The following SHANK2 variants were observed in gnomAD, a reference collection of about 807,000 sequenced individuals.
The protein encoded by SHANK2 is SH3 and multiple ankyrin repeat domains 2.
A neutral mutation model predicts 133.7 loss-of-function variants in SHANK2; 43 were observed. That is an observed-to-expected ratio of 0.32 (90% CI 0.25 to 0.41). The LOEUF is 0.41. Among genes scored for constraint, SHANK2 ranks in the 10% least tolerant of loss-of-function variants. The pLI is 1.00. For synonymous variants in SHANK2, 1,017 were observed against 952.8 expected, an observed-to-expected ratio of 1.07 and a Z score of -1.24; for missense variants, 1,994 against 2,235.8, an observed-to-expected ratio of 0.89 and a Z score of 2.18.
intron 9 of SHANK2, among the ~76,000 whole-genome samples, chr11:71,067,628 G>A (rs1027267527): frequency 2.4e-4 from 36 of 152,112 alleles, no homozygotes; most frequent in Non-Finnish European, 4.1e-4. Flanking sequence ...CCATACACCT[G>A]GGTGCTTTTA....
chr11:70,586,140 G>T (rs1187528052), intron 17 of SHANK2, among the ~76,000 whole-genome samples: 1 of 152,130 alleles, frequency 6.6e-6, no homozygotes, highest in African/African-American at 2.4e-5. Flanking sequence ...TAACATGGTG[G>T]AGGCTATTCT....
At chr11:71,058,527 C>T (rs1489071409) in intron 9 of SHANK2, among the ~76,000 whole-genome samples, 1 of 152,194 alleles carries the variant, frequency 6.6e-6, no homozygotes, top group Non-Finnish European at 1.5e-5. Flanking sequence ...TAAGCAAACT[C>T]TGTTTTTGGA....
intron 13 of SHANK2, 41 bp from the exon 14 acceptor site, chr11:70,798,597 G>T (rs782114679): frequency 7.0e-6 from 5 of 717,076 alleles, no homozygotes; most frequent in Non-Finnish European, 1.3e-5. Context: ...CAGGGGGGAC[G>T]TGGAGGGCCT....
At chr11:70,742,738 C>T (rs1591805062) in intron 14 of SHANK2, among the ~76,000 whole-genome samples, 2 of 152,196 alleles carry the variant, frequency 1.3e-5, no homozygotes, top group South Asian at 2.1e-4. Context: ...CACTGGGCAG[C>T]GTGGCTGACT....
intron 17 of SHANK2, among the ~76,000 whole-genome samples, chr11:70,652,460 C>G (rs2061349186): frequency 6.6e-6 from 1 of 152,076 alleles, no homozygotes; most frequent in African/African-American, 2.4e-5. Flanking sequence ...CACTGGTTTC[C>G]TCTTCTGAGT....
intron 14 of SHANK2, among the ~76,000 whole-genome samples, chr11:70,793,612 A>G (rs1312736595): frequency 6.6e-6 from 1 of 152,210 alleles, no homozygotes; most frequent in Non-Finnish European, 1.5e-5. Flanking sequence ...GAAAAATGCA[A>G]ATTACACCCA....
At chr11:70,643,544 C>T (rs966851342) in intron 17 of SHANK2, among the ~76,000 whole-genome samples, 10 of 133,344 alleles carry the variant, frequency 7.5e-5, no homozygotes, top group South Asian at 6.9e-4. Flanking sequence ...CCAGCCTGGG[C>T]GACAGAGTGA....
At chr11:70,654,073 C>T (rs562436920) in intron 17 of SHANK2, 1 of 152,364 alleles carries the variant, frequency 6.6e-6, no homozygotes, top group South Asian at 2.1e-4. Flanking sequence ...ATGTAATTAG[C>T]AAACTCGAGC....
chr11:70,586,864 T>C (rs1236149819), intron 17 of SHANK2, among the ~76,000 whole-genome samples: 1 of 152,142 alleles, frequency 6.6e-6, no homozygotes, highest in African/African-American at 2.4e-5. Flanking sequence ...CATCCCAGAA[T>C]ACGTCACTCC....
intron 11 of SHANK2, among the ~76,000 whole-genome samples, chr11:70,855,861 G>A (rs566753121): frequency 6.6e-6 from 1 of 152,268 alleles, no homozygotes; most frequent in South Asian, 2.1e-4. Flanking sequence ...ATAGATAAGT[G>A]AATGAGCAGA....
rs575448859 is a variant in SHANK2, at chr11:71,175,432, G to A, written c.-12-28094C>T. 1.3e-5 allele frequency among the ~76,000 whole-genome samples: 2 copies of A among 151,896 alleles called. No individual in the cohort carries two copies. The highest frequency in any genetic ancestry group is 2.9e-5 in the Non-Finnish European group (2 of 67,992). On this transcript the variant is annotated intron_variant, in intron 2 of 25. Transcript: ENST00000601538. This position sits in a 1 kb window ranked among gnomAD's most constrained non-coding sequence, Gnocchi z 4.2. ...GAGTCTGTAAAGAGAGCAGGAGGAAGGAAAGAAAAAGAGGGAGAGGAGGGG... is the reference window on the plus strand; with the variant it reads ...GAGTCTGTAAAGAGAGCAGGAGGAAAGAAAGAAAAAGAGGGAGAGGAGGGG...
At chr11:71,153,735 G>A (rs1364900417) in intron 2 of SHANK2, among the ~76,000 whole-genome samples, 1 of 152,206 alleles carries the variant, frequency 6.6e-6, no homozygotes, top group African/African-American at 2.4e-5. Context: ...CAGAGGCCAA[G>A]GTGGGTGGAT....
rs1946070821 is a variant in SHANK2 at position 70,721,287 on chromosome 11, C to A, written c.1778-22524G>T. Among the ~76,000 whole-genome samples, 2 of 152,234 alleles carry A rather than the reference C, an allele frequency of 1.3e-5. 1 individual carries two copies. The highest frequency in any genetic ancestry group is 4.1e-4 in the South Asian group (2 of 4,834). ...CTCAGGGACTGCAGCCGCTCCTGGG[C>A]ACACTCTGAGGCTTCCTCCGCAGTG... On this transcript the variant is annotated intron_variant, in intron 14 of 25. Transcript: ENST00000601538.
chr11:70,624,123 C>T (rs192269688), intron 17 of SHANK2, among the ~76,000 whole-genome samples: 15 of 152,180 alleles, frequency 9.9e-5, no homozygotes, highest in Non-Finnish European at 1.6e-4. Flanking sequence ...GGGGTGGGCC[C>T]GGAGCTTCCT....
chr11:70,688,499 A>G (rs992938046), intron 15 of SHANK2, among the ~76,000 whole-genome samples: 1 of 152,198 alleles, frequency 6.6e-6, no homozygotes, highest in Non-Finnish European at 1.5e-5. Context: ...CCATCCCAAG[A>G]GACTCATGAC....
At chr11:70,572,412 G>A (rs1439580095) in intron 17 of SHANK2, among the ~76,000 whole-genome samples, 4 of 152,122 alleles carry the variant, frequency 2.6e-5, no homozygotes, top group Admixed American at 1.3e-4. Flanking sequence ...CTCCTGTCTC[G>A]GCCTCCCAAA....
At chr11:70,475,744 A>G (rs943469938) in intron 25 of SHANK2, among the ~76,000 whole-genome samples, 12 of 152,114 alleles carry the variant, frequency 7.9e-5, no homozygotes, top group African/African-American at 2.7e-4. Flanking sequence ...TTCACGTGCT[A>G]TTTTCCAGAG....
At chr11:70,614,430 G>A (rs1402584378) in intron 17 of SHANK2, among the ~76,000 whole-genome samples, 1 of 151,962 alleles carries the variant, frequency 6.6e-6, no homozygotes, top group Non-Finnish European at 1.5e-5. Flanking sequence ...TCCTGCCTCA[G>A]CCTCCAGAGT....
At chr11:70,849,024 G>C (rs1320321250) in intron 11 of SHANK2, among the ~76,000 whole-genome samples, 1 of 152,156 alleles carries the variant, frequency 6.6e-6, no homozygotes. Flanking sequence ...TGGTGCCCAG[G>C]GATGCTGGCT....
Sources: allele counts gnomAD v4.1 joint callset (sites outside exome capture counted in the v4.1 genomes callset), GRCh38; gene constraint gnomAD v4.1.1; non-coding constraint Gnocchi (gnomAD v3.1); transcripts MANE v1.5; gene names NCBI Gene and HGNC (gene_info 2026-07-23, HGNC 2026-07-21).